Variants in GCH1 observed in about 807,000 individuals in gnomAD.
GCH1 encodes the protein GTP cyclohydrolase I.
A neutral mutation model predicts 25.9 loss-of-function variants in GCH1; 5 were observed. The observed-to-expected ratio is 0.19, with a 90% CI of 0.10 to 0.41. GCH1 has a LOEUF of 0.41. GCH1 is among the 10% of genes least tolerant of loss of function. The probability of loss-of-function intolerance (pLI) is 1.00; values close to 1 mark genes in which losing one functional copy is unlikely to be tolerated. For synonymous variants in GCH1, 159 were observed against 129.6 expected (o/e 1.23, Z -1.54); for missense variants, 261 against 336.5 (o/e 0.78, Z 1.75).
At position 54,843,117 on chromosome 14, in the gene GCH1, A is replaced by T. The variant is rs2039585366; in HGVS notation, c.*900T>A. On this transcript the variant is annotated 3_prime_UTR_variant, in exon 6 of 6. Transcript: ENST00000491895. ...ACTTAGAAAAATATCTTATAAGATT[A>T]AAAAAAAGAAGAAGAAGAAACATTT... 4.8e-6 allele frequency: 7 copies of T among 1,463,728 alleles called. No individual in the cohort carries two copies. Among genetic ancestry groups the T allele is most frequent in the African/African-American group, 1.5e-5 (1 of 67,266 alleles). The allele number at this position is 1,463,728 out of a possible 1,614,324, so 90.7% of individuals were successfully genotyped here.
At chr14:54,899,407 G>A (rs559759732) in intron 1 of GCH1, among the ~76,000 whole-genome samples, 5 of 152,256 alleles carry the variant, frequency 3.3e-5, no homozygotes, top group African/African-American at 4.8e-5. Flanking sequence ...GCAGTGAGCC[G>A]AGATTGCGCC....
At chr14:54,881,671 C>T (rs1190086440) in intron 1 of GCH1, among the ~76,000 whole-genome samples, 1 of 152,130 alleles carries the variant, frequency 6.6e-6, no homozygotes, top group Non-Finnish European at 1.5e-5. Context: ...ACAGAGCTGC[C>T]GCACAGCTTT....
intron 1 of GCH1, among the ~76,000 whole-genome samples, chr14:54,882,228 T>A (rs538351496): frequency 6.6e-6 from 1 of 152,246 alleles, no homozygotes; most frequent in African/African-American, 2.4e-5. Flanking sequence ...GTGTTGGACA[T>A]TGATGCCAAA....
At chr14:54,876,190 C>T (rs2140091805) in intron 1 of GCH1, among the ~76,000 whole-genome samples, 1 of 152,246 alleles carries the variant, frequency 6.6e-6, no homozygotes, top group South Asian at 2.1e-4. Context: ...AGTTCATGTC[C>T]TTTGTAGAGA....
At position 54,902,431 on chromosome 14, in the gene GCH1, A is replaced by T. The variant is rs777135030; in HGVS notation, c.233T>A (p.Ile78Asn). ...GGGGTTCTCGCCCAGCGAGCTCAGGATGGACGAGTAGGCGGCTGCCAGGTT... is the reference window on the plus strand; with the variant it reads ...GGGGTTCTCGCCCAGCGAGCTCAGGTTGGACGAGTAGGCGGCTGCCAGGTT... Reference protein sequence around the residue: ...LPNLAAAYSSILSSLGENPQR... With the variant: ...LPNLAAAYSSNLSSLGENPQR... The change falls in exon 1 of 6, where the codon ATC becomes AAC. Residue 78 changes from isoleucine to asparagine, a missense_variant. Physicochemically the swap from Ile to Asn is moderately radical, Grantham distance 149 (BLOSUM62 -3). Coordinates refer to ENST00000491895, the MANE Select transcript of GCH1 (RefSeq NM_000161.3). 6.2e-7 allele frequency: 1 copy of T among 1,612,814 alleles called. No homozygotes were observed. The highest frequency in any genetic ancestry group is 2.2e-5 in the East Asian group (1 of 44,854).
intron 2 of GCH1, among the ~76,000 whole-genome samples, chr14:54,863,417 G>A (rs544396253): frequency 1.0e-4 from 7 of 67,814 alleles, no homozygotes; most frequent in African/African-American, 1.3e-4. Context: ...GCGAGACTCC[G>A]TCTCAAAAAA....
intron 3 of GCH1, among the ~76,000 whole-genome samples, chr14:54,856,435 A>G (rs762595420): frequency 6.6e-6 from 1 of 152,060 alleles, no homozygotes; most frequent in Non-Finnish European, 1.5e-5. Flanking sequence ...GATTTCGTAC[A>G]TTCACTCAAT....
chr14:54,902,207 G>T, intron 1 of GCH1, 114 bp downstream of exon 1: 2 of 1,190,494 alleles, frequency 1.7e-6, no homozygotes, highest in Non-Finnish European at 2.4e-6. Context: ...GACAGCGCCC[G>T]GCTTCCTGCG....
At chr14:54,879,735 C>A (rs1194957085) in intron 1 of GCH1, among the ~76,000 whole-genome samples, 1 of 152,054 alleles carries the variant, frequency 6.6e-6, no homozygotes, top group Non-Finnish European at 1.5e-5. Flanking sequence ...CGCAGTGGCT[C>A]ACGCCTGTAA....
intron 1 of GCH1, among the ~76,000 whole-genome samples, chr14:54,883,605 G>A (rs1035166895): frequency 2.0e-5 from 3 of 152,072 alleles, no homozygotes; most frequent in Non-Finnish European, 4.4e-5. Context: ...AGTGAACCCA[G>A]GAGGTGGAGC....
At chr14:54,875,332 T>C (rs1354475451) in intron 1 of GCH1, among the ~76,000 whole-genome samples, 2 of 152,172 alleles carry the variant, frequency 1.3e-5, no homozygotes, top group South Asian at 2.1e-4. Flanking sequence ...TCAAGATGGA[T>C]TAAACACTTA....
chr14:54,883,874 A>C (rs1411916465), intron 1 of GCH1, among the ~76,000 whole-genome samples: 6 of 152,056 alleles, frequency 3.9e-5, no homozygotes, highest in Admixed American at 1.3e-4. Context: ...ACTGGAGCCA[A>C]CTCCACCTAA....
At chr14:54,875,242 A>G (rs2040140802) in intron 1 of GCH1, among the ~76,000 whole-genome samples, 1 of 152,236 alleles carries the variant, frequency 6.6e-6, no homozygotes, top group African/African-American at 2.4e-5. Flanking sequence ...CTGTTTAATA[A>G]ATGGTGCTGG....
chr14:54,844,007 T>G lies in GCH1; in HGVS notation c.*10A>C. The G allele has an allele frequency of 6.2e-7, 1 of 1,614,158 alleles. No homozygotes were observed. On this transcript the variant is annotated 3_prime_UTR_variant, in exon 6 of 6. Coordinates refer to ENST00000491895, the MANE Select transcript of GCH1 (RefSeq NM_000161.3). Reference sequence around the variant, plus strand: ...CGATCGGCAACCAACGCACACACACTGAATGAAGCTCAGCTCCTAATGAGA... The same window carrying G: ...CGATCGGCAACCAACGCACACACACGGAATGAAGCTCAGCTCCTAATGAGA...
rs115956049 is a variant in GCH1, at chr14:54,899,561, T to C, written c.343+2760A>G. Among the ~76,000 whole-genome samples the C allele has an allele frequency of 9.6e-3, 1,463 of 152,044 alleles. 28 individuals are homozygous for C. The highest frequency in any genetic ancestry group is 0.033 in the African/African-American group (1,371 of 41,466). Reference sequence around the variant, plus strand: ...CCCCACGTTGCCCAGGCTGTTCTCCTGAGCAACAACTATCCTCCTGCCTCA... The same window carrying C: ...CCCCACGTTGCCCAGGCTGTTCTCCCGAGCAACAACTATCCTCCTGCCTCA... On this transcript the variant is annotated intron_variant, in intron 1 of 5. Transcript: ENST00000491895.
At position 54,866,374 on chromosome 14, in the gene GCH1, T is replaced by C. The variant is rs546318640; in HGVS notation, c.344-938A>G. Among the ~76,000 whole-genome samples, 3 of 152,168 alleles carry C rather than the reference T, an allele frequency of 2.0e-5. No homozygotes were observed. The East Asian group carries it at 5.8e-4, about 29-fold the overall frequency. Reference sequence around the variant, plus strand: ...CATTGTAGATAAATGCCATATGACATGGAAACTTCTTCAGCTATATTGTCA... The same window carrying C: ...CATTGTAGATAAATGCCATATGACACGGAAACTTCTTCAGCTATATTGTCA... On this transcript the variant is annotated intron_variant, in intron 1 of 5. Coordinates refer to ENST00000491895, the MANE Select transcript of GCH1 (RefSeq NM_000161.3).
chr14:54,875,792 A>G (rs2040150328), intron 1 of GCH1, among the ~76,000 whole-genome samples: 1 of 152,234 alleles, frequency 6.6e-6, no homozygotes. Flanking sequence ...CAAAACCACA[A>G]TGAGATACCA....
At chr14:54,855,769 G>A (rs962133965) in intron 3 of GCH1, among the ~76,000 whole-genome samples, 8 of 151,900 alleles carry the variant, frequency 5.3e-5, no homozygotes, top group Non-Finnish European at 8.8e-5. Context: ...AGCCAAAATC[G>A]CACCACTGCA....
At chr14:54,868,390 T>C (rs375217907) in intron 1 of GCH1, among the ~76,000 whole-genome samples, 11 of 151,674 alleles carry the variant, frequency 7.3e-5, no homozygotes, top group Middle Eastern at 6.8e-3. Context: ...CCACTCCAAA[T>C]AGAGTGACAG....
Sources: gnomAD v4.1 joint callset for allele counts (sites outside exome capture counted in the v4.1 genomes callset) on GRCh38, gnomAD v4.1.1 for gene constraint, MANE v1.5 for transcripts, NCBI Gene and HGNC (gene_info 2026-07-23, HGNC 2026-07-21) for gene names.